KCNH8: variants seen among roughly 807,000 people sequenced by gnomAD.
KCNH8 encodes voltage-gated delayed rectifier potassium channel KCNH8.
In KCNH8, 70 loss-of-function variants were observed where a neutral mutation model predicts 103.6. That is an observed-to-expected ratio of 0.68 (90% CI 0.56 to 0.82). The LOEUF is 0.82. Among genes scored for constraint, KCNH8 ranks in the 40% least tolerant of loss-of-function variants. The pLI is 0.00. For missense variants in KCNH8, 1,217 were observed against 1,329.9 expected (o/e 0.92, Z 1.32); for synonymous variants, 498 against 489.4 (o/e 1.02, Z -0.23).
intron 1 of KCNH8, among the ~76,000 whole-genome samples, chr3:19,188,203 G>A (rs1189640124): frequency 6.6e-6 from 1 of 151,904 alleles, no homozygotes; most frequent in African/African-American, 2.4e-5. Context: ...TTCTTTAGTG[G>A]GCTTTAGATG....
chr3:19,476,183 G>T (rs1428822336), intron 11 of KCNH8, among the ~76,000 whole-genome samples: 2 of 152,048 alleles, frequency 1.3e-5, no homozygotes, highest in Non-Finnish European at 2.9e-5. Context: ...TTCTTTTGTG[G>T]CTAATTGAGC....
At chr3:19,216,725 A>G (rs572427966) in intron 1 of KCNH8, among the ~76,000 whole-genome samples, 5 of 152,330 alleles carry the variant, frequency 3.3e-5, no homozygotes, top group Non-Finnish European at 7.3e-5. Context: ...CTGCTCACTC[A>G]TTGATACATC....
intron 3 of KCNH8, among the ~76,000 whole-genome samples, chr3:19,292,167 G>T (rs2064937678): frequency 6.6e-6 from 1 of 152,076 alleles, no homozygotes; most frequent in African/African-American, 2.4e-5. Context: ...ATTTCTTGTT[G>T]AGTGTCCCAG....
At chr3:19,369,089 C>G (rs1423062141) in intron 5 of KCNH8, among the ~76,000 whole-genome samples, 1 of 151,266 alleles carries the variant, frequency 6.6e-6, no homozygotes, top group Admixed American at 6.6e-5. Flanking sequence ...GTTTAAATCA[C>G]TTTGTTTTTT....
Position 19,148,632 on chromosome 3 carries a change from A to G in KCNH8, c.-88A>G. The stretch of plus-strand genomic sequence containing the variant: ...CGGGTCCCCCTTCCCTGCCGTCATC[A>G]GGTTCCCCTTCTCCCTTCTTGGCAC... On this transcript the variant is annotated 5_prime_UTR_variant, in exon 1 of 16. Transcript: ENST00000328405. 2.3e-6 allele frequency: 3 copies of G among 1,285,062 alleles called. No individual in the cohort carries two copies. The highest frequency in any genetic ancestry group is 2.4e-5 in the South Asian group (2 of 84,730). 79.6% of individuals were successfully genotyped at this position (1,285,062 alleles called of 1,614,324 possible). A position where few individuals can be genotyped will look rare whatever the true frequency, so the allele number is the denominator to read the frequency against.
chr3:19,358,175 T>C (rs1197998019), intron 5 of KCNH8, among the ~76,000 whole-genome samples: 2 of 40,574 alleles, frequency 4.9e-5, no homozygotes, highest in Non-Finnish European at 8.7e-5. Context: ...TTCCTTTTCT[T>C]CCTTCCTTCC....
intron 5 of KCNH8, among the ~76,000 whole-genome samples, chr3:19,387,934 T>C (rs575719023): frequency 6.8e-6 from 1 of 148,108 alleles, no homozygotes; most frequent in South Asian, 2.1e-4. Context: ...AAAATACCTG[T>C]TGTTTTTTTT....
At position 19,347,872 on chromosome 3, in the gene KCNH8, C is replaced by T. The variant is rs2065749017; in HGVS notation, c.718C>T (p.Pro240Ser). Residue 240 changes from proline (P) to serine (S), a missense_variant, in exon 5 of 16, where the codon CCT becomes TCT. Transcript: ENST00000328405. ...LATFYVAVTV[P>S]YNVCFIGNDD... ...AACGTTTTATGTTGCTGTGACTGTA[C>T]CTTACAACGTTTGCTTTATTGGCAA... 1 of 1,613,256 alleles carries T rather than the reference C, an allele frequency of 6.2e-7. No homozygotes were observed. The highest frequency in any genetic ancestry group is 1.7e-5 in the Admixed American group (1 of 59,922).
At chr3:19,505,800 T>G (rs183486286) in intron 11 of KCNH8, among the ~76,000 whole-genome samples, 41 of 152,306 alleles carry the variant, frequency 2.7e-4, no homozygotes, top group African/African-American at 9.6e-4. Context: ...GGGACCCCAG[T>G]GATTCATAGA....
At chr3:19,484,666 T>C (rs1359857055) in intron 11 of KCNH8, among the ~76,000 whole-genome samples, 1 of 151,702 alleles carries the variant, frequency 6.6e-6, no homozygotes, top group Non-Finnish European at 1.5e-5. Context: ...GTCAGGATGA[T>C]GGTTTGAGGT....
intron 1 of KCNH8, among the ~76,000 whole-genome samples, chr3:19,180,481 G>A (rs1189598672): frequency 1.3e-5 from 2 of 152,118 alleles, no homozygotes; most frequent in East Asian, 3.9e-4. Context: ...TACACTTTTG[G>A]AGATTAGGAA....
intron 3 of KCNH8, among the ~76,000 whole-genome samples, chr3:19,318,703 CT>C (rs1416349238): frequency 6.7e-6 from 1 of 148,242 alleles, no homozygotes; most frequent in African/African-American, 2.5e-5. Context: ...GGTAGATCTA[CT>C]TTTATTTCTT....
chr3:19,159,952 G>A (rs1276850780), intron 1 of KCNH8, among the ~76,000 whole-genome samples: 1 of 151,424 alleles, frequency 6.6e-6, no homozygotes, highest in Non-Finnish European at 1.5e-5. Context: ...CAGTATCTTT[G>A]GTATTAAAAA....
chr3:19,226,616 C>T (rs1559431343), intron 1 of KCNH8, among the ~76,000 whole-genome samples: 1 of 149,618 alleles, frequency 6.7e-6, no homozygotes, highest in Non-Finnish European at 1.5e-5. Flanking sequence ...CACACACACA[C>T]ATGCATGCAC....
chr3:19,250,333 ATATACT>A (rs1374322597), intron 1 of KCNH8, among the ~76,000 whole-genome samples: 16 of 152,322 alleles, frequency 1.1e-4, no homozygotes, highest in African/African-American at 3.4e-4. Context: ...ACCCAATGTA[ATATACT>A]TATAATAATA....
intron 3 of KCNH8, among the ~76,000 whole-genome samples, chr3:19,297,449 C>A (rs2065010938): frequency 6.6e-6 from 1 of 152,040 alleles, no homozygotes; most frequent in African/African-American, 2.4e-5. Flanking sequence ...AGGATAAGTA[C>A]AGAAAATTAA....
chr3:19,177,586 T>C (rs1212217269), intron 1 of KCNH8, among the ~76,000 whole-genome samples: 1 of 152,026 alleles, frequency 6.6e-6, no homozygotes. Context: ...TATTAAAACT[T>C]GAGTATTTAA....
At chr3:19,270,130 G>A (rs1259929054) in intron 2 of KCNH8, among the ~76,000 whole-genome samples, 2 of 152,152 alleles carry the variant, frequency 1.3e-5, no homozygotes, top group Non-Finnish European at 2.9e-5. Context: ...CAGGATGCCT[G>A]TTTTTCTAAA....
intron 11 of KCNH8, among the ~76,000 whole-genome samples, chr3:19,497,604 G>A (rs937964308): frequency 2.0e-5 from 3 of 152,160 alleles, no homozygotes; most frequent in Admixed American, 6.5e-5. Flanking sequence ...GTCCAAGAGT[G>A]TGGTTGGTAT....
Sources: allele counts gnomAD v4.1 joint callset (sites outside exome capture counted in the v4.1 genomes callset), GRCh38; gene constraint gnomAD v4.1.1; transcripts MANE v1.5; gene names NCBI Gene and HGNC (gene_info 2026-07-23, HGNC 2026-07-21).